KIAA1549: variants seen among roughly 807,000 people sequenced by gnomAD.
The protein encoded by KIAA1549 is UPF0606 protein KIAA1549.
A neutral mutation model predicts 156.4 loss-of-function variants in KIAA1549; 70 were observed. The ratio of observed to expected loss-of-function variants is 0.45; its 90% CI spans 0.37 to 0.55. The LOEUF (loss-of-function observed/expected upper bound fraction) is 0.55. Ranked by LOEUF, KIAA1549 falls within the 20% of genes least tolerant of loss-of-function variation. KIAA1549 has a pLI of 0.00. For missense variants in KIAA1549, 2,428 were observed against 2,540.9 expected, an observed-to-expected ratio of 0.96 and a Z score of 0.96; for synonymous variants, 1,103 against 1,066.4, an observed-to-expected ratio of 1.03 and a Z score of -0.67.
chr7:138,916,965 G>A lies in KIAA1549; in HGVS notation c.2661C>T (p.Ser887=), dbSNP rs1275888633. The change falls in exon 2 of 20, where the codon AGC becomes AGT. Residue 887 remains serine (S), a synonymous_variant. Coordinates refer to ENST00000422774, the MANE Select transcript of KIAA1549 (RefSeq NM_001164665.2). ...LNTSTEVSTT[S]TGAATGGPLD... Reference sequence around the variant, plus strand: ...GGGGACCACCAGTGGCAGCACCGGTGCTGGTTGTGCTCACTTCCGTGGAGG... The same window carrying A: ...GGGGACCACCAGTGGCAGCACCGGTACTGGTTGTGCTCACTTCCGTGGAGG... 1 of 1,602,492 alleles carries A rather than the reference G, an allele frequency of 6.2e-7. No homozygotes were observed. The highest frequency in any genetic ancestry group is 1.1e-5 in the South Asian group (1 of 88,590).
chr7:138,907,188 A>T lies in KIAA1549; in HGVS notation c.3277-86T>A. The T allele has an allele frequency of 7.7e-6, 9 of 1,173,340 alleles. No individual in the cohort carries two copies. In the Middle Eastern group the frequency reaches 1.6e-3, roughly 215 times the overall value. 72.7% of individuals were successfully genotyped at this position (1,173,340 alleles called of 1,614,324 possible). A position where few individuals can be genotyped will look rare whatever the true frequency, so the allele number is the denominator to read the frequency against. ...TGATTTCTCTCTCACAGGTCCTCTC[A>T]CCGATTTTTTTAAAGGAGGTAAAGT... On this transcript the variant is annotated intron_variant, in intron 5 of 19. Coordinates refer to ENST00000422774, the MANE Select transcript of KIAA1549 (RefSeq NM_001164665.2).
chr7:138,848,663 C>T (rs1296506973), intron 17 of KIAA1549, among the ~76,000 whole-genome samples: 1 of 152,090 alleles, frequency 6.6e-6, no homozygotes, highest in Non-Finnish European at 1.5e-5. Context: ...GCCCTTGTCC[C>T]TCGTATCAAG....
At chr7:138,920,422 C>G (rs1483727209) in intron 1 of KIAA1549, among the ~76,000 whole-genome samples, 1 of 152,176 alleles carries the variant, frequency 6.6e-6, no homozygotes, top group Admixed American at 6.5e-5. Flanking sequence ...TCCCCAGTGC[C>G]TAGCACAATA....
chr7:138,869,773 T>C lies in KIAA1549; in HGVS notation c.4552-12A>G. 2 of 1,600,448 alleles carry C rather than the reference T, an allele frequency of 1.2e-6. No individual in the cohort carries two copies. The highest frequency in any genetic ancestry group is 1.7e-6 in the Non-Finnish European group (2 of 1,174,286). ...AGCGCGGTCTGAATCTGAGGAAGGG[T>C]GAGGGAGAGAAAGACAGCCATAGAG... On this transcript the variant is annotated splice_polypyrimidine_tract_variant and intron_variant, in intron 13 of 19. Coordinates refer to ENST00000422774, the MANE Select transcript of KIAA1549 (RefSeq NM_001164665.2).
chr7:138,867,637 C>A (rs1431370607), intron 15 of KIAA1549, among the ~76,000 whole-genome samples: 2 of 151,306 alleles, frequency 1.3e-5, no homozygotes, highest in Non-Finnish European at 3.0e-5. Flanking sequence ...GAGGATATTT[C>A]TCTCTCTCTC....
intron 12 of KIAA1549, among the ~76,000 whole-genome samples, chr7:138,877,648 C>A (rs1021101509): frequency 1.3e-5 from 2 of 152,114 alleles, no homozygotes; most frequent in African/African-American, 2.4e-5. Flanking sequence ...AAGTAAAGTT[C>A]TAAAAGTAAA....
intron 1 of KIAA1549, among the ~76,000 whole-genome samples, chr7:138,933,825 G>C (rs1285905846): frequency 2.0e-5 from 3 of 152,178 alleles, no homozygotes; most frequent in Admixed American, 6.5e-5. Flanking sequence ...AATTAGCCAG[G>C]CATGGCGGCA....
chr7:138,847,938 A>G (rs1411885004), intron 17 of KIAA1549, among the ~76,000 whole-genome samples: 1 of 152,184 alleles, frequency 6.6e-6, no homozygotes, highest in Non-Finnish European at 1.5e-5. Context: ...TTATATTCTA[A>G]GTGTTATTTT....
intron 16 of KIAA1549, among the ~76,000 whole-genome samples, chr7:138,857,303 T>C (rs1810422141): frequency 6.6e-6 from 1 of 152,222 alleles, no homozygotes; most frequent in Non-Finnish European, 1.5e-5. Context: ...TTTTAAATAA[T>C]AGACCCTACA....
Position 138,835,276 on chromosome 7 carries a change from C to T in KIAA1549, c.*2630G>A, listed in dbSNP as rs1809675081. ...GGCGTCGAGAGGAAGCAAGTACAAA[C>T]TGTGTGTGCTTTATGACCACCAGCA... On this transcript the variant is annotated 3_prime_UTR_variant, in exon 20 of 20. Transcript: ENST00000422774. 9.3e-6 allele frequency: 2 copies of T among 215,070 alleles called. No individual in the cohort carries two copies. Among genetic ancestry groups the T allele is most frequent in the South Asian group, 1.9e-4 (1 of 5,382 alleles). The allele number at this position is 215,070 out of a possible 1,614,324, so 13.3% of individuals were successfully genotyped here. A position where few individuals can be genotyped will look rare whatever the true frequency, so the allele number is the denominator to read the frequency against.
chr7:138,899,031 C>T lies in KIAA1549; in HGVS notation c.3771G>A (p.Ser1257=), dbSNP rs368186139. 5.4e-5 allele frequency: 87 copies of T among 1,613,692 alleles called. 1 individual carries two copies. The African/African-American group carries it at 9.6e-4, about 18-fold the overall frequency. ...GGAGGTCCATTTTGTTAATCAGGTCCGAAGACTTGACTGCACTGAGTCTTT... is the reference window on the plus strand; with the variant it reads ...GGAGGTCCATTTTGTTAATCAGGTCTGAAGACTTGACTGCACTGAGTCTTT... ...DGERLSAVKS[S]DLINKMDLQR... The change falls in exon 9 of 20, where the codon TCG becomes TCA. Residue 1257 remains serine, a synonymous_variant. Transcript: ENST00000422774.
intron 1 of KIAA1549, among the ~76,000 whole-genome samples, chr7:138,976,294 C>A (rs1030289031): frequency 6.6e-6 from 1 of 152,144 alleles, no homozygotes; most frequent in African/African-American, 2.4e-5. Flanking sequence ...CCAGGCTGGT[C>A]TCCAACTCCT....
chr7:138,894,089 C>A (rs1811614013), intron 10 of KIAA1549, among the ~76,000 whole-genome samples: 1 of 152,190 alleles, frequency 6.6e-6, no homozygotes, highest in African/African-American at 2.4e-5. Flanking sequence ...AAAATAAAAT[C>A]ATAGTAGAAC....
At chr7:138,926,904 C>G (rs1477122605) in intron 1 of KIAA1549, among the ~76,000 whole-genome samples, 1 of 152,124 alleles carries the variant, frequency 6.6e-6, no homozygotes, top group Non-Finnish European at 1.5e-5. Flanking sequence ...CAGTGATGCT[C>G]CCAGTGTAAC....
intron 14 of KIAA1549, among the ~76,000 whole-genome samples, chr7:138,869,292 A>AC (rs1810849303): frequency 6.6e-6 from 1 of 152,262 alleles, no homozygotes; most frequent in Non-Finnish European, 1.5e-5. Flanking sequence ...AGAGGGGCAG[A>AC]GTTGAGAACA....
intron 1 of KIAA1549, among the ~76,000 whole-genome samples, chr7:138,933,317 T>C (rs946012252): frequency 2.0e-5 from 3 of 152,196 alleles, no homozygotes; most frequent in Non-Finnish European, 2.9e-5. Context: ...GCAAAATGTT[T>C]CCTCTACTCA....
intron 1 of KIAA1549, among the ~76,000 whole-genome samples, chr7:138,969,504 A>G (rs1814151128): frequency 1.3e-5 from 2 of 152,258 alleles, no homozygotes; most frequent in East Asian, 3.8e-4. Flanking sequence ...CTGAATGGCT[A>G]GACCACATTT....
In KIAA1549 at chr7:138,833,502, G is replaced by A. The variant is rs960614636; in HGVS notation, c.*4404C>T. On this transcript the variant is annotated 3_prime_UTR_variant, in exon 20 of 20. Coordinates refer to ENST00000422774, the MANE Select transcript of KIAA1549 (RefSeq NM_001164665.2). Reference sequence around the variant, plus strand: ...AAGCCTTTAGCGCCTACCTTCACCCGTGCTTTGCCTCACAGTCCGCATGCC... The same window carrying A: ...AAGCCTTTAGCGCCTACCTTCACCCATGCTTTGCCTCACAGTCCGCATGCC... 8 of 232,362 alleles carry A rather than the reference G, an allele frequency of 3.4e-5. No homozygotes were observed. The East Asian group carries it at 4.2e-4, about 12-fold the overall frequency. The allele number at this position is 232,362 out of a possible 1,614,324, so 14.4% of individuals were successfully genotyped here. A position where few individuals can be genotyped will look rare whatever the true frequency, so the allele number is the denominator to read the frequency against.
At chr7:138,923,772 T>C (rs1020185895) in intron 1 of KIAA1549, among the ~76,000 whole-genome samples, 1 of 152,222 alleles carries the variant, frequency 6.6e-6, no homozygotes, top group African/African-American at 2.4e-5. Context: ...GTTGACTCAC[T>C]AGCAGAGATG....
Sources: allele counts gnomAD v4.1 joint callset (sites outside exome capture counted in the v4.1 genomes callset), GRCh38; gene constraint gnomAD v4.1.1; transcripts MANE v1.5; gene names NCBI Gene and HGNC (gene_info 2026-07-23, HGNC 2026-07-21).